The following LRP1B variants were observed in gnomAD, a reference collection of about 807,000 sequenced individuals.
The protein encoded by LRP1B is LDL receptor related protein 1B.
In LRP1B, 217 loss-of-function variants were observed where a neutral mutation model predicts 556.6. The ratio of observed to expected loss-of-function variants is 0.39; its 90% confidence interval spans 0.35 to 0.44. The LOEUF (loss-of-function observed/expected upper bound fraction) is 0.44. Ranked by LOEUF, LRP1B falls within the 20% of genes least tolerant of loss-of-function variation. LRP1B has a pLI of 1.00. For missense variants in LRP1B, 5,053 were observed against 5,620.8 expected, an observed-to-expected ratio of 0.90 and a Z score of 3.23; for synonymous variants, 2,047 against 1,865.8, an observed-to-expected ratio of 1.10 and a Z score of -2.50.
intron 3 of LRP1B, among the ~76,000 whole-genome samples, chr2:141,282,392 TA>T (rs530606988): frequency 5.3e-5 from 8 of 151,632 alleles, no homozygotes; most frequent in Non-Finnish European, 8.8e-5. Flanking sequence ...CATAATTTTT[TA>T]AAAAAATCAA....
At chr2:140,951,788 A>C in intron 19 of LRP1B, 72 bp downstream of exon 19, 2 of 1,216,218 alleles carry the variant, frequency 1.6e-6, no homozygotes, top group Non-Finnish European at 2.4e-6. Flanking sequence ...GTACCTCTGA[A>C]GAAAGCCAGG....
intron 7 of LRP1B, among the ~76,000 whole-genome samples, chr2:141,090,499 C>G (rs767961324): frequency 6.6e-6 from 1 of 152,152 alleles, no homozygotes; most frequent in Non-Finnish European, 1.5e-5. Flanking sequence ...AAGATGCTAG[C>G]TTTTTGAAAA....
chr2:141,825,652 C>G lies in LRP1B; in HGVS notation c.83-15251G>C, dbSNP rs773523704. ...TTATTTCAATAGCTATGAAATATGACGAAAAGTTCAATGGGTTTCCCAAAC... is the reference window on the plus strand; with the variant it reads ...TTATTTCAATAGCTATGAAATATGAGGAAAAGTTCAATGGGTTTCCCAAAC... On this transcript the variant is annotated intron_variant, in intron 1 of 90. Coordinates refer to ENST00000389484, the MANE Select transcript of LRP1B (RefSeq NM_018557.3). Among the ~76,000 whole-genome samples, 8 of 152,132 alleles carry G rather than the reference C, an allele frequency of 5.3e-5. No individual in the cohort carries two copies. In the South Asian group the frequency reaches 1.5e-3, roughly 28 times the overall value.
intron 2 of LRP1B, among the ~76,000 whole-genome samples, chr2:141,781,304 T>C (rs73963600): frequency 0.042 from 6,415 of 152,244 alleles, 453 homozygotes; most frequent in African/African-American, 0.15. Context: ...ATGTTATAGT[T>C]AAAATGATGT....
At position 141,871,566 on chromosome 2, in the gene LRP1B, A is replaced by C. The variant is rs559235454; in HGVS notation, c.83-61165T>G. 3.3e-5 allele frequency among the ~76,000 whole-genome samples: 5 copies of C among 152,134 alleles called. No individual in the cohort carries two copies. The South Asian group carries it at 1.0e-3, about 31-fold the overall frequency. The stretch of plus-strand genomic sequence containing the variant: ...CTCTTGATACTAGACTAAGAATTAT[A>C]CCTATCAAAAGGCTTCAAATAATCT... On this transcript the variant is annotated intron_variant, in intron 1 of 90. Transcript: ENST00000389484.
rs183014232 is a variant in LRP1B, at chr2:140,492,053, C to T, written c.9120+555G>A. 4.9e-3 allele frequency among the ~76,000 whole-genome samples: 743 copies of T among 152,124 alleles called. 7 individuals are homozygous for T. Among genetic ancestry groups the T allele is most frequent in the African/African-American group, 0.015 (634 of 41,502 alleles). ...CCTAATAAACTTTTCTGTTTTTTTCCTGAGTAGCCAGAAATCTGGATTTTC... is the reference window on the plus strand; with the variant it reads ...CCTAATAAACTTTTCTGTTTTTTTCTTGAGTAGCCAGAAATCTGGATTTTC... On this transcript the variant is annotated intron_variant, in intron 57 of 90. Transcript: ENST00000389484.
At chr2:140,439,834 A>G (rs560480207) in intron 66 of LRP1B, among the ~76,000 whole-genome samples, 10 of 152,190 alleles carry the variant, frequency 6.6e-5, no homozygotes, top group Middle Eastern at 3.4e-3. Flanking sequence ...AAATTATACC[A>G]GGCTAAATTC....
At chr2:141,554,815 A>G (rs913567950) in intron 2 of LRP1B, among the ~76,000 whole-genome samples, 16 of 151,970 alleles carry the variant, frequency 1.1e-4, no homozygotes, top group Non-Finnish European at 4.4e-5. Context: ...ATTGTGGTCC[A>G]CAGACCTGCA....
chr2:141,276,916 A>C (rs1371863268), intron 3 of LRP1B, among the ~76,000 whole-genome samples: 2 of 152,098 alleles, frequency 1.3e-5, no homozygotes, highest in Non-Finnish European at 2.9e-5. Flanking sequence ...TCGGCCTCCC[A>C]GAGTGCTGGG....
intron 1 of LRP1B, among the ~76,000 whole-genome samples, chr2:141,905,895 C>T (rs948554780): frequency 3.4e-5 from 5 of 145,396 alleles, no homozygotes; most frequent in Non-Finnish European, 7.5e-5. Context: ...ACAAGAGATG[C>T]TTGTGTGTCT....
intron 2 of LRP1B, among the ~76,000 whole-genome samples, chr2:141,601,599 T>TTTCCTTCC (rs59436887): frequency 0.093 from 13,064 of 140,558 alleles, 758 homozygotes; most frequent in East Asian, 0.21. Context: ...GTAGCACTCC[T>TTTCCTTCC]TTCCTTCCTT....
chr2:140,953,244 C>G (rs1478627825), intron 18 of LRP1B, among the ~76,000 whole-genome samples: 2 of 152,104 alleles, frequency 1.3e-5, no homozygotes. Flanking sequence ...GTGCGCACCA[C>G]CATGCAGGCT....
chr2:140,589,587 A>G (rs2105161641), intron 43 of LRP1B, among the ~76,000 whole-genome samples: 1 of 152,334 alleles, frequency 6.6e-6, no homozygotes, highest in African/African-American at 2.4e-5. Context: ...TGGCTTATTC[A>G]TATCATAGAT....
intron 43 of LRP1B, among the ~76,000 whole-genome samples, chr2:140,577,609 CAG>C (rs1574098766): frequency 6.6e-6 from 1 of 151,792 alleles, no homozygotes; most frequent in African/African-American, 2.4e-5. Context: ...TTTGCAGAAA[CAG>C]AGTCTCACTA....
chr2:141,082,926 T>C (rs1229991021), intron 7 of LRP1B, among the ~76,000 whole-genome samples: 1 of 152,226 alleles, frequency 6.6e-6, no homozygotes, highest in African/African-American at 2.4e-5. Flanking sequence ...GTGATCCCAT[T>C]CTGATTCTCC....
intron 1 of LRP1B, among the ~76,000 whole-genome samples, chr2:141,985,808 T>C (rs796509142): frequency 3.9e-5 from 6 of 152,088 alleles, no homozygotes; most frequent in African/African-American, 1.2e-4. Flanking sequence ...ATACAGAACA[T>C]ATTATTCTGT....
chr2:141,076,955 T>C (rs1001097765), intron 7 of LRP1B, among the ~76,000 whole-genome samples: 1 of 152,222 alleles, frequency 6.6e-6, no homozygotes, highest in Non-Finnish European at 1.5e-5. Context: ...GAATTTAAAA[T>C]AGTAGGCTAG....
At chr2:141,579,980 G>C (rs1267379923) in intron 2 of LRP1B, among the ~76,000 whole-genome samples, 3 of 151,988 alleles carry the variant, frequency 2.0e-5, no homozygotes, top group Non-Finnish European at 4.4e-5. Flanking sequence ...GATTACAGGC[G>C]TGAGCCACCG....
chr2:141,656,190 C>T (rs1392751571), intron 2 of LRP1B, among the ~76,000 whole-genome samples: 13 of 152,086 alleles, frequency 8.5e-5, no homozygotes. Flanking sequence ...TACCATGTTG[C>T]CTCCCTTAAA....
Sources: allele counts gnomAD v4.1 joint callset (sites outside exome capture counted in the v4.1 genomes callset), GRCh38; gene constraint gnomAD v4.1.1; transcripts MANE v1.5; gene names NCBI Gene and HGNC (gene_info 2026-07-23, HGNC 2026-07-21).